Variants in PACRG observed in about 807,000 individuals in gnomAD.
PACRG encodes parkin coregulated gene protein.
Under a neutral mutation model 29.7 loss-of-function variants are expected in PACRG, and 29 were observed. That is an observed-to-expected ratio of 0.98 (90% CI 0.73 to 1.33). PACRG has a LOEUF of 1.33. Ranked by LOEUF, PACRG falls within the 40% of genes most tolerant of loss-of-function variation. The probability of loss-of-function intolerance (pLI) is 0.00; values close to 1 mark genes in which losing one functional copy is unlikely to be tolerated. For missense variants in PACRG, 279 were observed against 316.2 expected (o/e 0.88, Z 0.89); for synonymous variants, 116 against 118.7 (o/e 0.98, Z 0.15).
chr6:162,948,641 G>C (rs1419987486), intron 2 of PACRG, among the ~76,000 whole-genome samples: 1 of 152,056 alleles, frequency 6.6e-6, no homozygotes, highest in Non-Finnish European at 1.5e-5. Flanking sequence ...CTATTCATCT[G>C]ACAAAGAACT....
At chr6:163,076,363 G>A (rs1812542553) in intron 3 of PACRG, among the ~76,000 whole-genome samples, 3 of 152,054 alleles carry the variant, frequency 2.0e-5, no homozygotes, top group South Asian at 2.1e-4. Context: ...CGAGGCCCTC[G>A]CTTCCAAGAT....
At chr6:162,936,470 A>G (rs1435209844) in intron 2 of PACRG, among the ~76,000 whole-genome samples, 1 of 152,218 alleles carries the variant, frequency 6.6e-6, no homozygotes, top group Non-Finnish European at 1.5e-5. Flanking sequence ...ATATAGTGAT[A>G]TAGCCAATTC....
At chr6:163,296,014 C>T (rs1433838745) in intron 4 of PACRG, among the ~76,000 whole-genome samples, 1 of 152,162 alleles carries the variant, frequency 6.6e-6, no homozygotes, top group Non-Finnish European at 1.5e-5. Flanking sequence ...CAGTTCTAAG[C>T]TCTATAACCC....
intron 2 of PACRG, among the ~76,000 whole-genome samples, chr6:163,017,148 A>G (rs1053199649): frequency 6.6e-6 from 1 of 152,194 alleles, no homozygotes; most frequent in Non-Finnish European, 1.5e-5. Flanking sequence ...CTGTAAAATA[A>G]GATGGAAAAC....
chr6:163,157,902 T>C (rs531811315), intron 4 of PACRG, among the ~76,000 whole-genome samples: 4 of 152,334 alleles, frequency 2.6e-5, no homozygotes, highest in Non-Finnish European at 2.9e-5. Flanking sequence ...TACTCCTTAG[T>C]AGACAACTAA....
intron 3 of PACRG, among the ~76,000 whole-genome samples, chr6:163,086,005 T>C (rs1813522827): frequency 6.6e-6 from 1 of 152,228 alleles, no homozygotes; most frequent in African/African-American, 2.4e-5. Flanking sequence ...CTCGGTTTAA[T>C]TCCTGGCACA....
At chr6:163,240,833 T>C (rs1782475489) in intron 4 of PACRG, among the ~76,000 whole-genome samples, 1 of 152,186 alleles carries the variant, frequency 6.6e-6, no homozygotes, top group South Asian at 2.1e-4. Context: ...CCTCGACCAG[T>C]ATCCCCCCTC....
At position 162,777,933 on chromosome 6, in the gene PACRG, A is replaced by AACATATTTGTAGTGAAC. The variant is rs1783776036; in HGVS notation, c.157-36209_157-36193dup. Among the ~76,000 whole-genome samples, 1 of 151,776 alleles carries AACATATTTGTAGTGAAC rather than the reference A, an allele frequency of 6.6e-6. No homozygotes were observed. The highest frequency in any genetic ancestry group is 2.4e-5 in the African/African-American group (1 of 41,264). On this transcript the variant is annotated intron_variant, in intron 1 of 4. Transcript: ENST00000366888. The surrounding 1 kb of genome is among the most constrained non-coding windows in gnomAD (Gnocchi z 4.0). ...CTTCCTTCCATCTCCTTTCTCCCAA[A>AACATATTTGTAGTGAAC]ACATATTTGTAGTGAACACATCCTT... is the stretch of plus-strand genomic sequence containing the variant.
At chr6:162,947,923 C>G (rs1224360938) in intron 2 of PACRG, among the ~76,000 whole-genome samples, 4 of 151,726 alleles carry the variant, frequency 2.6e-5, no homozygotes, top group Admixed American at 1.3e-4. Context: ...AAAGGTCACC[C>G]ATGCTCATGG....
chr6:162,947,095 A>T (rs945685926), intron 2 of PACRG, among the ~76,000 whole-genome samples: 4 of 151,808 alleles, frequency 2.6e-5, no homozygotes, highest in Non-Finnish European at 4.4e-5. Flanking sequence ...CTCCTATTCA[A>T]CATGCTACTG....
At chr6:163,154,192 C>T (rs1156992470) in intron 4 of PACRG, among the ~76,000 whole-genome samples, 1 of 152,088 alleles carries the variant, frequency 6.6e-6, no homozygotes, top group African/African-American at 2.4e-5. Context: ...GCTGGACGTG[C>T]CCCCAGGGTT....
At chr6:163,299,401 C>T (rs1000275156) in intron 4 of PACRG, among the ~76,000 whole-genome samples, 2 of 152,174 alleles carry the variant, frequency 1.3e-5, no homozygotes, top group African/African-American at 4.8e-5. Context: ...TGTCAGGAAC[C>T]ATCAGCCTGA....
intron 2 of PACRG, among the ~76,000 whole-genome samples, chr6:162,979,873 A>C (rs1802262065): frequency 6.6e-6 from 1 of 152,138 alleles, no homozygotes; most frequent in African/African-American, 2.4e-5. Context: ...CTTAAATAAA[A>C]TAAATTCACA....
At chr6:162,866,741 C>A (rs932681489) in intron 2 of PACRG, among the ~76,000 whole-genome samples, 2 of 152,048 alleles carry the variant, frequency 1.3e-5, no homozygotes, top group African/African-American at 4.8e-5. Context: ...AAAGCCTAAA[C>A]AGAAAAGAAA....
At chr6:162,969,700 G>A (rs936561258) in intron 2 of PACRG, among the ~76,000 whole-genome samples, 3 of 152,124 alleles carry the variant, frequency 2.0e-5, no homozygotes, top group East Asian at 1.9e-4. Flanking sequence ...TCGGCATGGT[G>A]TGGTTTGCTC....
At chr6:162,953,129 C>T (rs1266073354) in intron 2 of PACRG, among the ~76,000 whole-genome samples, 1 of 152,034 alleles carries the variant, frequency 6.6e-6, no homozygotes, top group Admixed American at 6.6e-5. Context: ...ATTTAAAGAA[C>T]CACAAGTGTC....
rs912498687 is a variant in PACRG at position 162,914,438 on chromosome 6, A to G, written c.291+100157A>G. The stretch of plus-strand genomic sequence containing the variant: ...TACTTCTTTATCTTTTGCCAACCTC[A>G]AACTGCAACTTTATAGCCAGTCCTG... On this transcript the variant is annotated intron_variant, in intron 2 of 4. Transcript: ENST00000366888. Among the ~76,000 whole-genome samples, 3 of 151,470 alleles carry G rather than the reference A, an allele frequency of 2.0e-5. No individual in the cohort carries two copies. In the East Asian group the frequency reaches 5.8e-4, roughly 29 times the overall value.
chr6:162,939,348 G>T (rs1050406526), intron 2 of PACRG, among the ~76,000 whole-genome samples: 1 of 152,078 alleles, frequency 6.6e-6, no homozygotes, highest in African/African-American at 2.4e-5. Flanking sequence ...CCTAAGCAAG[G>T]ATTTCATGAC....
chr6:163,217,304 G>C (rs1781400560), intron 4 of PACRG, among the ~76,000 whole-genome samples: 1 of 152,310 alleles, frequency 6.6e-6, no homozygotes, highest in East Asian at 1.9e-4. Flanking sequence ...ACCCCCAACG[G>C]GAGCCCAATC....
Sources: gnomAD v4.1 joint callset for allele counts (sites outside exome capture counted in the v4.1 genomes callset) on GRCh38, gnomAD v4.1.1 for gene constraint, Gnocchi (gnomAD v3.1) non-coding constraint, MANE v1.5 for transcripts, NCBI Gene and HGNC (gene_info 2026-07-23, HGNC 2026-07-21) for gene names.